Variants in ROBO2 observed in about 807,000 individuals in gnomAD.
ROBO2 encodes roundabout homolog 2.
Under a neutral mutation model 160.8 loss-of-function variants are expected in ROBO2, and 53 were observed. The observed-to-expected ratio is 0.33, with a 90% CI of 0.26 to 0.41. The LOEUF (loss-of-function observed/expected upper bound fraction) is 0.41, where lower values mean the gene tolerates loss of function less well. Among genes scored for constraint, ROBO2 ranks in the 10% least tolerant of loss-of-function variants. The pLI, the probability that ROBO2 is intolerant of heterozygous loss-of-function variation, is 1.00. For synonymous variants in ROBO2, 664 were observed against 611.7 expected (o/e 1.09, Z -1.26); for missense variants, 1,577 against 1,722.4 (o/e 0.92, Z 1.49).
intron 2 of ROBO2, among the ~76,000 whole-genome samples, chr3:76,181,999 A>T (rs141240008): frequency 6.6e-6 from 1 of 152,172 alleles, no homozygotes; most frequent in Admixed American, 6.6e-5. Context: ...TTAATAAGGA[A>T]GAAAGATTAG....
intron 1 of ROBO2, among the ~76,000 whole-genome samples, chr3:77,084,369 C>G (rs1320976325): frequency 6.6e-6 from 1 of 152,084 alleles, no homozygotes; most frequent in Admixed American, 6.6e-5. Context: ...TCCAACTTAT[C>G]AGAGTTTGAT....
intron 2 of ROBO2, among the ~76,000 whole-genome samples, chr3:76,576,644 T>C (rs1372201451): frequency 1.3e-5 from 2 of 150,450 alleles, no homozygotes; most frequent in Non-Finnish European, 3.0e-5. Context: ...AAAGTATTCA[T>C]AACACTTTAC....
intron 2 of ROBO2, among the ~76,000 whole-genome samples, chr3:76,214,212 C>G (rs71195251): frequency 6.6e-6 from 1 of 152,138 alleles, no homozygotes; most frequent in Non-Finnish European, 1.5e-5. Flanking sequence ...ATACAACAGT[C>G]CATACAACTG....
At chr3:76,803,319 C>A (rs1463025964) in intron 2 of ROBO2, among the ~76,000 whole-genome samples, 3 of 151,840 alleles carry the variant, frequency 2.0e-5, no homozygotes, top group African/African-American at 7.3e-5. Flanking sequence ...TTTTCTCTTT[C>A]ATTCTGCCTA....
At chr3:76,189,527 A>AT (rs1390425661) in intron 2 of ROBO2, among the ~76,000 whole-genome samples, 1 of 151,956 alleles carries the variant, frequency 6.6e-6, no homozygotes, top group East Asian at 1.9e-4. Context: ...GATTTTAAAC[A>AT]TTTTTCAGAT....
intron 2 of ROBO2, among the ~76,000 whole-genome samples, chr3:76,800,847 A>G (rs1017489054): frequency 6.6e-6 from 1 of 152,162 alleles, no homozygotes; most frequent in African/African-American, 2.4e-5. Flanking sequence ...AAAACTAAAA[A>G]TAAAACTTCC....
At chr3:76,182,573 T>C (rs1334672494) in intron 2 of ROBO2, among the ~76,000 whole-genome samples, 1 of 152,104 alleles carries the variant, frequency 6.6e-6, no homozygotes, top group Non-Finnish European at 1.5e-5. Context: ...TAAATCTCTA[T>C]AGGAGCAAAT....
rs567149986 is a variant in ROBO2, at chr3:76,408,985, A to G, written c.109+471383A>G. Among the ~76,000 whole-genome samples, 7 of 152,208 alleles carry G rather than the reference A, an allele frequency of 4.6e-5. 1 individual carries two copies. In the South Asian group the frequency reaches 1.4e-3, roughly 32 times the overall value. On this transcript the variant is annotated intron_variant, in intron 2 of 26. Coordinates refer to the ROBO2 transcript ENST00000487694. Reference sequence around the variant, plus strand: ...AATGAATTATAATACACTAGGGTGTAGAAAATTTTAGACTGGACACTGGGG... The same window carrying G: ...AATGAATTATAATACACTAGGGTGTGGAAAATTTTAGACTGGACACTGGGG...
chr3:76,550,897 A>AT (rs2083374566), intron 2 of ROBO2, among the ~76,000 whole-genome samples: 1 of 152,186 alleles, frequency 6.6e-6, no homozygotes, highest in Non-Finnish European at 1.5e-5. Flanking sequence ...AGCTTAGTGC[A>AT]GGCCTGCAGG....
chr3:75,983,826 T>C (rs1355898572), intron 2 of ROBO2, among the ~76,000 whole-genome samples: 2 of 151,444 alleles, frequency 1.3e-5, no homozygotes, highest in African/African-American at 4.8e-5. Context: ...ATCTGAAAAC[T>C]ATGAAAACTC....
At chr3:76,380,257 A>G (rs779956290) in intron 2 of ROBO2, among the ~76,000 whole-genome samples, 1 of 152,156 alleles carries the variant, frequency 6.6e-6, no homozygotes. Context: ...CTATAGAAAG[A>G]TTTGGCACAC....
chr3:77,470,753 A>G (rs1441362858), intron 2 of ROBO2, among the ~76,000 whole-genome samples: 1 of 152,182 alleles, frequency 6.6e-6, no homozygotes, highest in Non-Finnish European at 1.5e-5. Flanking sequence ...ATTTATCATA[A>G]TTTACTGAAA....
At chr3:77,140,384 A>C (rs2076611188) in intron 2 of ROBO2, among the ~76,000 whole-genome samples, 1 of 152,232 alleles carries the variant, frequency 6.6e-6, no homozygotes, top group Non-Finnish European at 1.5e-5. Flanking sequence ...TAAACACTGA[A>C]GGGATAAGGA....
chr3:76,853,852 T>C (rs937069847), intron 2 of ROBO2, among the ~76,000 whole-genome samples: 3 of 152,148 alleles, frequency 2.0e-5, no homozygotes, highest in Non-Finnish European at 4.4e-5. Context: ...GTTTATTATC[T>C]GGTAGCTTCA....
chr3:76,279,797 A>G (rs965925505), intron 2 of ROBO2, among the ~76,000 whole-genome samples: 7 of 152,030 alleles, frequency 4.6e-5, no homozygotes, highest in African/African-American at 1.7e-4. Flanking sequence ...GATGAAAACA[A>G]AAGTCTGTAA....
chr3:76,645,056 G>A (rs2109778968), intron 2 of ROBO2, among the ~76,000 whole-genome samples: 1 of 152,290 alleles, frequency 6.6e-6, no homozygotes, highest in Middle Eastern at 3.4e-3. Context: ...GAATCAATGT[G>A]TACAGGCTCT....
At chr3:77,627,954 T>C (rs780178801) in intron 23 of ROBO2, among the ~76,000 whole-genome samples, 1 of 152,192 alleles carries the variant, frequency 6.6e-6, no homozygotes, top group Non-Finnish European at 1.5e-5. Context: ...TGATGACTGA[T>C]CATAAATTAA....
intron 2 of ROBO2, among the ~76,000 whole-genome samples, chr3:76,974,294 T>TC (rs995353637): frequency 2.6e-5 from 4 of 152,222 alleles, no homozygotes; most frequent in Non-Finnish European, 5.9e-5. Flanking sequence ...AGCCTTTTAA[T>TC]CCCCCCCTTT....
intron 2 of ROBO2, among the ~76,000 whole-genome samples, chr3:76,474,033 A>G (rs554518188): frequency 1.2e-4 from 18 of 152,278 alleles, no homozygotes; most frequent in African/African-American, 4.3e-4. Flanking sequence ...GATAATTGAC[A>G]AAGAATGGAA....
Sources: gnomAD v4.1 joint callset for allele counts (sites outside exome capture counted in the v4.1 genomes callset) on GRCh38, gnomAD v4.1.1 for gene constraint, MANE v1.5 for transcripts, NCBI Gene and HGNC (gene_info 2026-07-23, HGNC 2026-07-21) for gene names.